The following TMC3 variants were observed in gnomAD, a reference collection of about 807,000 sequenced individuals.
The protein encoded by TMC3 is transmembrane channel-like protein 3.
In TMC3, 98 loss-of-function variants were observed where a neutral mutation model predicts 110.6. The observed-to-expected ratio is 0.89, with a 90% CI of 0.75 to 1.05. The LOEUF is 1.05. TMC3 is among the 50% of genes least tolerant of loss of function. The probability of loss-of-function intolerance (pLI) is 0.00; values close to 1 mark genes in which losing one functional copy is unlikely to be tolerated. For missense variants in TMC3, 1,319 were observed against 1,373.2 expected (o/e 0.96, Z 0.62); for synonymous variants, 489 against 513.1 (o/e 0.95, Z 0.63).
At position 81,355,761 on chromosome 15, in the gene TMC3, A is replaced by G. The variant is rs1219448359; in HGVS notation, c.899T>C (p.Ile300Thr). The change falls in exon 9 of 22, where the codon ATA (isoleucine) becomes ACA (threonine). Residue 300 changes from isoleucine to threonine, a missense_variant. Ile to Thr is a moderately conservative substitution (Grantham distance 89). Coordinates refer to ENST00000359440, the MANE Select transcript of TMC3 (RefSeq NM_001080532.3). ...AAIVNSIREAILEEQEKKKSK... is the reference protein window; with the variant it reads ...AAIVNSIREATLEEQEKKKSK... ...TTTCTTTTTCTCCTGTTCTTCCAAT[A>G]TAGCTTCCTTTAAGAAAAATACATA... 3 of 1,590,092 alleles carry G rather than the reference A, an allele frequency of 1.9e-6. No homozygotes were observed. Among genetic ancestry groups the G allele is most frequent in the East Asian group, 2.2e-5 (1 of 44,574 alleles).
intron 11 of TMC3, 38 bp from the exon 12 acceptor site, chr15:81,346,481 G>A (rs1251226619): frequency 2.5e-6 from 4 of 1,599,084 alleles, no homozygotes; most frequent in Non-Finnish European, 2.6e-6. Flanking sequence ...ACAAGACCAT[G>A]GCATAGAAGT....
chr15:81,363,008 A>G (rs1047667981), intron 3 of TMC3, among the ~76,000 whole-genome samples: 2 of 152,188 alleles, frequency 1.3e-5, no homozygotes, highest in Non-Finnish European at 2.9e-5. Context: ...CTGTAATCCA[A>G]CACTTTGGGA....
At chr15:81,367,178 A>T (rs1168721412) in intron 3 of TMC3, among the ~76,000 whole-genome samples, 1 of 152,182 alleles carries the variant, frequency 6.6e-6, no homozygotes, top group East Asian at 1.9e-4. Flanking sequence ...AAAAATTGGA[A>T]GCAATTTAAA....
chr15:81,337,941 C>G lies in TMC3; in HGVS notation c.2082-17G>C. 6.2e-7 allele frequency: 1 copy of G among 1,604,488 alleles called. No individual in the cohort carries two copies. Among genetic ancestry groups the G allele is most frequent in the Non-Finnish European group, 8.5e-7 (1 of 1,171,298 alleles). ...ATGAGCATGCTAGGACAGAACAACACAGGACAATGAGTGGACTGCAACTCG... is the reference window on the plus strand; with the variant it reads ...ATGAGCATGCTAGGACAGAACAACAGAGGACAATGAGTGGACTGCAACTCG... On this transcript the variant is annotated splice_polypyrimidine_tract_variant and intron_variant, in intron 18 of 21. Coordinates refer to ENST00000359440, the MANE Select transcript of TMC3 (RefSeq NM_001080532.3).
chr15:81,337,231 G>A (rs1052989578), intron 19 of TMC3, among the ~76,000 whole-genome samples: 3 of 152,138 alleles, frequency 2.0e-5, no homozygotes, highest in East Asian at 3.9e-4. Context: ...TGCTTTGGGA[G>A]CCTCACTGGC....
chr15:81,353,619 C>G (rs1165181239), intron 9 of TMC3, among the ~76,000 whole-genome samples: 1 of 152,128 alleles, frequency 6.6e-6, no homozygotes, highest in Non-Finnish European at 1.5e-5. Flanking sequence ...GCATGCTGTT[C>G]AGGTTTGTAG....
intron 3 of TMC3, among the ~76,000 whole-genome samples, chr15:81,363,824 T>C (rs1894244978): frequency 6.6e-6 from 1 of 152,208 alleles, no homozygotes; most frequent in Non-Finnish European, 1.5e-5. Flanking sequence ...TTTCTGATCA[T>C]TTATTCCCCC....
chr15:81,356,909 CTT>C (rs1894077540), intron 7 of TMC3, among the ~76,000 whole-genome samples: 1 of 152,240 alleles, frequency 6.6e-6, no homozygotes, highest in Non-Finnish European at 1.5e-5. Context: ...GTTCTCATCT[CTT>C]TGCAGCTGTG....
intron 7 of TMC3, among the ~76,000 whole-genome samples, chr15:81,357,192 G>A (rs757986268): frequency 1.3e-5 from 2 of 151,918 alleles, no homozygotes; most frequent in South Asian, 2.1e-4. Flanking sequence ...TAAAGGGCCC[G>A]AGTCTTCCAT....
At chr15:81,341,561 G>T (rs536229335) in intron 15 of TMC3, 43 bp from the exon 16 acceptor site, 1 of 1,586,612 alleles carries the variant, frequency 6.3e-7, no homozygotes, top group South Asian at 1.1e-5. Flanking sequence ...TTCTCTTTCA[G>T]CCTATCTCCC....
chr15:81,372,394 A>T (rs1894456146), intron 2 of TMC3, among the ~76,000 whole-genome samples, 197 bp downstream of exon 2: 1 of 144,978 alleles, frequency 6.9e-6, no homozygotes. Flanking sequence ...ACACACACAC[A>T]CACACACACA....
In TMC3 at chr15:81,332,886, C is replaced by G. The variant is rs775808551; in HGVS notation, c.2836G>C (p.Glu946Gln). 26 of 1,613,272 alleles carry G rather than the reference C, an allele frequency of 1.6e-5. No individual in the cohort carries two copies. The highest frequency in any genetic ancestry group is 8.8e-5 in the South Asian group (8 of 91,084). Residue 946 changes from glutamate (E) to glutamine (Q), a missense_variant, in exon 22 of 22, where the codon GAG (glutamate) becomes CAG (glutamine). Glu to Gln is a conservative substitution (Grantham distance 29). Transcript: ENST00000359440. ...ATCCAATCTCTGCTTGGCGTCTCCT[C>G]CTCTTCTTCACTCAGCTGTGGGGAG... ...PPSPQLSEEE[E>Q]ETPSRDWIKR...
At chr15:81,373,016 A>G (rs185846818) in intron 1 of TMC3, among the ~76,000 whole-genome samples, 23 of 152,310 alleles carry the variant, frequency 1.5e-4, no homozygotes, top group South Asian at 1.5e-3. Flanking sequence ...CTCAGGGTGC[A>G]TGATATTATC....
intron 3 of TMC3, among the ~76,000 whole-genome samples, chr15:81,363,506 A>G (rs1894237838): frequency 6.6e-6 from 1 of 152,208 alleles, no homozygotes; most frequent in Non-Finnish European, 1.5e-5. Flanking sequence ...CGGTACAGAC[A>G]TGTATGGTAA....
rs185307324 is a variant in TMC3, at chr15:81,336,601, A to C, written c.2203+8T>G. 4.6e-4 allele frequency: 741 copies of C among 1,613,712 alleles called. 12 individuals carry two copies. The East Asian group carries it at 0.012, about 26-fold the overall frequency. On this transcript the variant is annotated splice_region_variant and intron_variant, in intron 20 of 21. Coordinates refer to ENST00000359440, the MANE Select transcript of TMC3 (RefSeq NM_001080532.3). ...AAAACAACAACAAAAAGAAACGGAA[A>C]TACTTACCTTCTACCATCTGGGCAA...
rs537343591 is a variant in TMC3, at chr15:81,370,799, C to T, written c.236+1792G>A. Reference sequence around the variant, plus strand: ...AAGCAATTCTCCTGCCTCAGCCTCCCGAATAGCTGGGACTACAGGTGCCTG... The same window carrying T: ...AAGCAATTCTCCTGCCTCAGCCTCCTGAATAGCTGGGACTACAGGTGCCTG... On this transcript the variant is annotated intron_variant, in intron 2 of 21. Transcript: ENST00000359440. 9.9e-5 allele frequency among the ~76,000 whole-genome samples: 15 copies of T among 151,814 alleles called. No individual in the cohort carries two copies. The South Asian group carries it at 2.3e-3, about 23-fold the overall frequency.
chr15:81,359,416 T>A lies in TMC3; in HGVS notation c.450A>T (p.Gly150=), dbSNP rs1347390098. 1 of 1,606,150 alleles carries A rather than the reference T, an allele frequency of 6.2e-7. No individual in the cohort carries two copies. Among genetic ancestry groups the A allele is most frequent in the East Asian group, 2.2e-5 (1 of 44,664 alleles). Residue 150 remains glycine (G), a synonymous_variant, in exon 5 of 22, where the codon GGA becomes GGT. Transcript: ENST00000359440. The part of the protein sequence containing the change: ...SYFIFLRWLF[G]INIVLTIMTG... The stretch of plus-strand genomic sequence containing the variant: ...TCATAATGGTGAGCACAATATTAAT[T>A]CCAAATAACCATCTCAAGAATATGA...
chr15:81,349,340 C>T (rs1410940533), intron 11 of TMC3, 118 bp downstream of exon 11: 3 of 526,414 alleles, frequency 5.7e-6, no homozygotes, highest in Non-Finnish European at 9.4e-6. Flanking sequence ...AGGTAAAGTT[C>T]TGTGCTGATT....
intron 16 of TMC3, among the ~76,000 whole-genome samples, 152 bp downstream of exon 16, chr15:81,341,238 C>A (rs1893707186): frequency 6.6e-6 from 1 of 152,060 alleles, no homozygotes; most frequent in Non-Finnish European, 1.5e-5. Context: ...TTGGAAATGG[C>A]TCTTGGAGGA....
Sources: allele counts gnomAD v4.1 joint callset (sites outside exome capture counted in the v4.1 genomes callset), GRCh38; gene constraint gnomAD v4.1.1; transcripts MANE v1.5; gene names NCBI Gene and HGNC (gene_info 2026-07-23, HGNC 2026-07-21).